AK5: variants seen among roughly 807,000 people sequenced by gnomAD.
AK5 encodes adenylate kinase isoenzyme 5.
In AK5, 27 loss-of-function variants were observed where a neutral mutation model predicts 69.5. The observed-to-expected ratio is 0.39, with a 90% confidence interval of 0.29 to 0.54. The LOEUF (loss-of-function observed/expected upper bound fraction) is 0.54, where lower values mean the gene tolerates loss of function less well. Ranked by LOEUF, AK5 falls within the 20% of genes least tolerant of loss-of-function variation. The pLI, the probability that AK5 is intolerant of heterozygous loss-of-function variation, is 0.71. For missense variants in AK5, 531 were observed against 700.4 expected (o/e 0.76, Z 2.73); for synonymous variants, 260 against 244.4 (o/e 1.06, Z -0.60).
intron 8 of AK5, among the ~76,000 whole-genome samples, chr1:77,459,205 A>G (rs12568376): frequency 0.046 from 6,932 of 152,168 alleles, 400 homozygotes; most frequent in East Asian, 0.19. Flanking sequence ...ATCTAAATTT[A>G]TTGCTGTCTT....
intron 5 of AK5, among the ~76,000 whole-genome samples, chr1:77,317,409 G>T (rs1486602117): frequency 6.6e-6 from 1 of 152,086 alleles, no homozygotes; most frequent in Non-Finnish European, 1.5e-5. Flanking sequence ...TCAAGGGGAA[G>T]GGAATTAGAA....
At chr1:77,556,000 GGACA>G (rs1307348457) in intron 13 of AK5, among the ~76,000 whole-genome samples, 1 of 152,198 alleles carries the variant, frequency 6.6e-6, no homozygotes, top group Non-Finnish European at 1.5e-5. Flanking sequence ...ACCTGTAGCT[GGACA>G]GACAAATTGC....
intron 5 of AK5, among the ~76,000 whole-genome samples, chr1:77,313,391 G>A (rs969610098): frequency 3.3e-5 from 5 of 152,022 alleles, no homozygotes; most frequent in African/African-American, 1.2e-4. Flanking sequence ...GGCTGAATGT[G>A]GGCTGCAGAC....
chr1:77,313,657 C>T (rs1302223017), intron 5 of AK5: 1 of 406,746 alleles, frequency 2.5e-6, no homozygotes, highest in Non-Finnish European at 4.9e-6. Flanking sequence ...CTACAGCACA[C>T]CCTGTCCTCC....
intron 7 of AK5, 49 bp downstream of exon 7, chr1:77,411,120 A>G (rs746325480): frequency 6.7e-7 from 1 of 1,497,786 alleles, no homozygotes; most frequent in Non-Finnish European, 9.2e-7. Context: ...TCACCTGCCA[A>G]ATGTCTGGGG....
chr1:77,318,155 G>T (rs1344597245), intron 5 of AK5, among the ~76,000 whole-genome samples: 3 of 152,282 alleles, frequency 2.0e-5, no homozygotes, highest in Admixed American at 1.3e-4. Flanking sequence ...GTGGCTCACA[G>T]TTCCACAGGC....
In AK5 at chr1:77,533,521, A is replaced by AAAAAC. The variant is rs1361988739; in HGVS notation, c.1429-2322_1429-2321insCAAAA. Reference sequence around the variant, plus strand: ...AAGACTCTGTCACCAAAAAAAAAAAAAAAAAAAAAAAAAACAGATTCTGCT... The same window carrying AAAAAC: ...AAGACTCTGTCACCAAAAAAAAAAAAAAAACAAAAAAAAAAAAAACAGATTCTGCT... On this transcript the variant is annotated intron_variant, in intron 12 of 13. Transcript: ENST00000354567. Among the ~76,000 whole-genome samples the AAAAAC allele has an allele frequency of 1.7e-3, 258 of 148,808 alleles. 9 individuals carry two copies. Among genetic ancestry groups the AAAAAC allele is most frequent in the African/African-American group, 6.1e-3 (242 of 39,352 alleles).
At chr1:77,298,596 G>T (rs1321415340) in intron 5 of AK5, among the ~76,000 whole-genome samples, 1 of 151,180 alleles carries the variant, frequency 6.6e-6, no homozygotes, top group Non-Finnish European at 1.5e-5. Context: ...TTGAGCCCAG[G>T]AGTTCCAGAC....
At chr1:77,438,313 AAAAAAAAAAAAC>A (rs1210764574) in intron 8 of AK5, among the ~76,000 whole-genome samples, 10 of 146,530 alleles carry the variant, frequency 6.8e-5, no homozygotes, top group African/African-American at 2.0e-4. Context: ...AAAAAAAAAA[AAAAAAAAAAAAC>A]AAGCTTGGGG....
At chr1:77,429,171 C>T (rs1367314992) in intron 8 of AK5, among the ~76,000 whole-genome samples, 9 of 152,138 alleles carry the variant, frequency 5.9e-5, no homozygotes, top group Non-Finnish European at 1.0e-4. Flanking sequence ...CCTGAGGAAT[C>T]GCCACACTGA....
intron 8 of AK5, among the ~76,000 whole-genome samples, chr1:77,482,088 C>T (rs752717820): frequency 1.4e-4 from 22 of 152,138 alleles, no homozygotes; most frequent in Non-Finnish European, 2.4e-4. Flanking sequence ...AACACATATG[C>T]ATGTATAATA....
chr1:77,307,630 T>G (rs1659716751), intron 5 of AK5, among the ~76,000 whole-genome samples: 1 of 152,208 alleles, frequency 6.6e-6, no homozygotes, highest in Admixed American at 6.5e-5. Context: ...ATTTGGTCCA[T>G]AGGTGCAGAT....
chr1:77,459,572 A>G (rs1247716312), intron 8 of AK5, among the ~76,000 whole-genome samples: 4 of 152,196 alleles, frequency 2.6e-5, no homozygotes, highest in Non-Finnish European at 5.9e-5. Flanking sequence ...ACAGTTTCTG[A>G]TTCAATAGGT....
Position 77,418,073 on chromosome 1 carries a change from AT to A in AK5, c.1059+362del, listed in dbSNP as rs1235480617. Among the ~76,000 whole-genome samples, 5 of 152,284 alleles carry A rather than the reference AT, an allele frequency of 3.3e-5. No homozygotes were observed. The East Asian group carries it at 9.6e-4, about 29-fold the overall frequency. On this transcript the variant is annotated intron_variant, in intron 8 of 13. Transcript: ENST00000354567. ...TCAGCTACAGGTTCAGGGCTCTGCT[AT>A]TTTATCGCTAACTGTATTAGTCCAT...
intron 8 of AK5, among the ~76,000 whole-genome samples, chr1:77,453,726 C>T (rs1380743511): frequency 1.3e-5 from 2 of 152,206 alleles, no homozygotes; most frequent in South Asian, 4.1e-4. Flanking sequence ...ATCAGCTCAG[C>T]CCTCTGGGCA....
chr1:77,414,724 A>G (rs1369532901), intron 7 of AK5, among the ~76,000 whole-genome samples: 1 of 152,208 alleles, frequency 6.6e-6, no homozygotes, highest in East Asian at 1.9e-4. Context: ...TGAAAGCTAC[A>G]CTATCACTTT....
intron 6 of AK5, 93 bp downstream of exon 6, chr1:77,340,661 T>G: frequency 8.0e-7 from 1 of 1,245,538 alleles, no homozygotes; most frequent in Non-Finnish European, 1.1e-6. Context: ...CTCTTTACCT[T>G]AAAAAGTGGC....
At chr1:77,310,238 A>G (rs879678556) in intron 5 of AK5, among the ~76,000 whole-genome samples, 1 of 152,126 alleles carries the variant, frequency 6.6e-6, no homozygotes, top group South Asian at 2.1e-4. Flanking sequence ...TCCTGTATAG[A>G]CACTGGTCTG....
intron 5 of AK5, among the ~76,000 whole-genome samples, chr1:77,307,770 C>T (rs1659724932): frequency 6.6e-6 from 1 of 152,202 alleles, no homozygotes; most frequent in Admixed American, 6.5e-5. Context: ...CTCAGAACTA[C>T]ACCGCCACTT....
Sources: gnomAD v4.1 joint callset for allele counts (sites outside exome capture counted in the v4.1 genomes callset) on GRCh38, gnomAD v4.1.1 for gene constraint, MANE v1.5 for transcripts, NCBI Gene and HGNC (gene_info 2026-07-23, HGNC 2026-07-21) for gene names.